MTSS1: variants seen among roughly 807,000 people sequenced by gnomAD.
MTSS1 encodes the protein MTSS I-BAR domain containing 1.
In MTSS1, 18 loss-of-function variants were observed where a neutral mutation model predicts 79.0. The observed-to-expected ratio is 0.23, with a 90% CI of 0.16 to 0.34. The LOEUF is 0.34. Among genes scored for constraint, MTSS1 ranks in the 10% least tolerant of loss-of-function variants. The pLI is 1.00. For synonymous variants in MTSS1, 341 were observed against 368.6 expected, an observed-to-expected ratio of 0.93 and a Z score of 0.86; for missense variants, 815 against 986.2, an observed-to-expected ratio of 0.83 and a Z score of 2.33.
intron 1 of MTSS1, among the ~76,000 whole-genome samples, chr8:124,707,638 G>A (rs954635391): frequency 1.3e-5 from 2 of 151,996 alleles, no homozygotes; most frequent in Non-Finnish European, 2.9e-5. Context: ...AACCCGGAAA[G>A]TGGAGGTTGC....
At chr8:124,646,182 C>G (rs76587640) in intron 3 of MTSS1, among the ~76,000 whole-genome samples, 10,893 of 152,186 alleles carry the variant, frequency 0.072, 405 homozygotes, top group Middle Eastern at 0.095. Context: ...TTCTTCTGTC[C>G]ATCTCACTGG....
intron 6 of MTSS1, chr8:124,580,513 C>T (rs893832296): frequency 2.5e-5 from 39 of 1,535,408 alleles, no homozygotes; most frequent in Admixed American, 1.2e-4. Flanking sequence ...AGGACCACAC[C>T]GTGAGCAGCC....
intron 3 of MTSS1, among the ~76,000 whole-genome samples, chr8:124,647,189 AC>A (rs901946430): frequency 4.6e-5 from 7 of 152,190 alleles, no homozygotes; most frequent in South Asian, 4.1e-4. Flanking sequence ...ATTTTCAAAA[AC>A]TACTTCAAAG....
intron 9 of MTSS1, 77 bp downstream of exon 9, chr8:124,565,585 A>C: frequency 8.0e-7 from 1 of 1,242,416 alleles, no homozygotes; most frequent in Non-Finnish European, 1.2e-6. Flanking sequence ...AGAGATAAGG[A>C]CTGGCTCCAT....
chr8:124,677,618 G>A (rs1041667534), intron 3 of MTSS1, among the ~76,000 whole-genome samples: 1 of 152,196 alleles, frequency 6.6e-6, no homozygotes, highest in Non-Finnish European at 1.5e-5. Context: ...CCCAGAGGCT[G>A]TAGTCTGCCT....
At position 124,727,656 on chromosome 8, in the gene MTSS1, G is replaced by A. The variant is rs1362012702; in HGVS notation, c.72+228C>T. The A allele has an allele frequency of 6.0e-6, 4 of 663,234 alleles. No individual in the cohort carries two copies. Among genetic ancestry groups the A allele is most frequent in the Non-Finnish European group, 1.1e-5 (4 of 359,924 alleles). The allele number at this position is 663,234 out of a possible 1,614,324, so 41.1% of individuals were successfully genotyped here. A position where few individuals can be genotyped will look rare whatever the true frequency, so the allele number is the denominator to read the frequency against. ...CCCTGGGACAATGAGCGGGGGAGAT[G>A]GCGTGGGACAGCAGACACCCCCCAG... On this transcript the variant is annotated intron_variant, in intron 1 of 13. Coordinates refer to ENST00000518547, the MANE Select transcript of MTSS1 (RefSeq NM_014751.6). The surrounding 1 kb of genome is among the most constrained non-coding windows in gnomAD (Gnocchi z 4.7).
chr8:124,554,718 G>A (rs570780891), intron 13 of MTSS1, among the ~76,000 whole-genome samples: 205 of 152,318 alleles, frequency 1.3e-3, no homozygotes, highest in Middle Eastern at 3.4e-3. Flanking sequence ...GTGTGAATAT[G>A]AGCGAGTTAT....
chr8:124,707,773 G>A (rs1240689361), intron 1 of MTSS1, among the ~76,000 whole-genome samples: 1 of 152,106 alleles, frequency 6.6e-6, no homozygotes, highest in Non-Finnish European at 1.5e-5. Flanking sequence ...CTACTCAGGA[G>A]GCTGAGGTGG....
At chr8:124,657,679 A>C (rs999965721) in intron 3 of MTSS1, among the ~76,000 whole-genome samples, 2 of 152,164 alleles carry the variant, frequency 1.3e-5, no homozygotes, top group Non-Finnish European at 2.9e-5. Flanking sequence ...GGTCCTTACC[A>C]AGTCCAAATT....
In MTSS1 at chr8:124,589,605, A is replaced by T. The variant is rs1270067438; in HGVS notation, c.385+15T>A. 3 of 1,605,016 alleles carry T rather than the reference A, an allele frequency of 1.9e-6. No homozygotes were observed. Among genetic ancestry groups the T allele is most frequent in the Non-Finnish European group, 2.6e-6 (3 of 1,175,252 alleles). Reference sequence around the variant, plus strand: ...CCCAGCGTGCAGTGATGCGCTAGACATCTCGCCCCTGTACCTTTTGCGTGG... The same window carrying T: ...CCCAGCGTGCAGTGATGCGCTAGACTTCTCGCCCCTGTACCTTTTGCGTGG... On this transcript the variant is annotated intron_variant, in intron 5 of 13. Transcript: ENST00000518547.
intron 3 of MTSS1, among the ~76,000 whole-genome samples, chr8:124,625,653 C>A (rs1290553455): frequency 2.6e-5 from 4 of 152,210 alleles, no homozygotes; most frequent in Non-Finnish European, 5.9e-5. Context: ...TTAAGGCACT[C>A]CCCCTGACCC....
chr8:124,605,800 T>C (rs1323565794), intron 3 of MTSS1, among the ~76,000 whole-genome samples: 1 of 152,162 alleles, frequency 6.6e-6, no homozygotes, highest in Non-Finnish European at 1.5e-5. Flanking sequence ...ATAGCGACTT[T>C]ATCATCTCTT....
intron 8 of MTSS1, 44 bp downstream of exon 8, chr8:124,567,026 AC>A: frequency 6.8e-7 from 1 of 1,469,406 alleles, no homozygotes; most frequent in East Asian, 2.3e-5. Context: ...TTGAGCTTTT[AC>A]CTCTTTGGTT....
chr8:124,631,998 C>T (rs1054005803), intron 3 of MTSS1, among the ~76,000 whole-genome samples: 6 of 152,242 alleles, frequency 3.9e-5, no homozygotes, highest in Admixed American at 1.3e-4. Flanking sequence ...AAGGAGCATC[C>T]GGGTGCAGTG....
intron 3 of MTSS1, among the ~76,000 whole-genome samples, chr8:124,629,350 T>TA (rs1052210231): frequency 1.1e-4 from 17 of 149,794 alleles, no homozygotes; most frequent in Non-Finnish European, 1.6e-4. Context: ...CAGTCTCTAC[T>TA]AAAAAAAATA....
rs747412106 is a variant in MTSS1, at chr8:124,553,402, T to C, written c.1858A>G (p.Thr620Ala). The C allele has an allele frequency of 1.0e-5, 16 of 1,607,746 alleles. No individual in the cohort carries two copies. The highest frequency in any genetic ancestry group is 1.4e-5 in the Non-Finnish European group (16 of 1,175,518). Residue 620 changes from threonine (T) to alanine (A), a missense_variant, in exon 14 of 14, where the codon ACC becomes GCC. By Grantham distance (58) the Thr-to-Ala change is moderately conservative. Coordinates refer to ENST00000518547, the MANE Select transcript of MTSS1 (RefSeq NM_014751.6). This position sits in a 1 kb window ranked among gnomAD's most constrained non-coding sequence, Gnocchi z 6.0. ...CCTGGGAGGTCTGGGACGGTTGGGG[T>C]CTTGACAGGGATCACGGGTGTCTTG... ...PIKTPVIPVKTPTVPDLPGVL... is the reference protein window; with the variant it reads ...PIKTPVIPVKAPTVPDLPGVL...
chr8:124,555,812 A>C lies in MTSS1; in HGVS notation c.1497T>G (p.Leu499=), dbSNP rs563509413. Residue 499 remains leucine, a synonymous_variant, in exon 13 of 14, where the codon CTT becomes CTG. Coordinates refer to ENST00000518547, the MANE Select transcript of MTSS1 (RefSeq NM_014751.6). ...GGGTGCTGTAGCCGCTGGAGCACTGAAGCGAGTCCCGGCTGCTCCTCTGGG... is the reference window on the plus strand; with the variant it reads ...GGGTGCTGTAGCCGCTGGAGCACTGCAGCGAGTCCCGGCTGCTCCTCTGGG... ...LDTQRSSRDS[L]QCSSGYSTQT... The C allele has an allele frequency of 1.2e-6, 2 of 1,613,668 alleles. No individual in the cohort carries two copies. The highest frequency in any genetic ancestry group is 2.2e-5 in the South Asian group (2 of 90,920).
chr8:124,628,647 T>C (rs1360249859), intron 3 of MTSS1, among the ~76,000 whole-genome samples: 1 of 150,614 alleles, frequency 6.6e-6, no homozygotes, highest in African/African-American at 2.5e-5. Context: ...TGACAGCAAT[T>C]TCCCTAACAT....
chr8:124,623,577 G>T (rs2133614104), intron 3 of MTSS1, among the ~76,000 whole-genome samples: 1 of 152,258 alleles, frequency 6.6e-6, no homozygotes, highest in Non-Finnish European at 1.5e-5. Flanking sequence ...TAAGCATTTG[G>T]CCTAAAAAAA....
Sources: allele counts gnomAD v4.1 joint callset (sites outside exome capture counted in the v4.1 genomes callset), GRCh38; gene constraint gnomAD v4.1.1; non-coding constraint Gnocchi (gnomAD v3.1); transcripts MANE v1.5; gene names NCBI Gene and HGNC (gene_info 2026-07-23, HGNC 2026-07-21).